The following RAD51B variants were observed in gnomAD, a reference collection of about 807,000 sequenced individuals.
RAD51B encodes the protein RAD51 paralog B, also known as DNA repair protein RAD51 homolog 2.
Under a neutral mutation model 42.2 loss-of-function variants are expected in RAD51B, and 38 were observed. The ratio of observed to expected loss-of-function variants is 0.90; its 90% CI spans 0.70 to 1.18. The LOEUF (loss-of-function observed/expected upper bound fraction) is 1.18. Ranked by LOEUF, RAD51B falls within the 50% of genes most tolerant of loss-of-function variation. The probability of loss-of-function intolerance (pLI) is 0.00; values close to 1 mark genes in which losing one functional copy is unlikely to be tolerated. For missense variants in RAD51B, 373 were observed against 400.7 expected (o/e 0.93, Z 0.59); for synonymous variants, 154 against 145.2 (o/e 1.06, Z -0.43).
At chr14:67,879,173 A>C (rs1424009407) in intron 5 of RAD51B, among the ~76,000 whole-genome samples, 1 of 152,254 alleles carries the variant, frequency 6.6e-6, no homozygotes, top group Non-Finnish European at 1.5e-5. Context: ...TAGAACTCTC[A>C]GGCAAGGGCC....
intron 7 of RAD51B, among the ~76,000 whole-genome samples, chr14:68,072,064 TA>T (rs1250586109): frequency 1.1e-5 from 1 of 93,912 alleles, no homozygotes; most frequent in East Asian, 2.4e-4. Context: ...TATATATATT[TA>T]TATAAATATA....
intron 9 of RAD51B, among the ~76,000 whole-genome samples, chr14:68,416,315 C>T (rs959389667): frequency 3.9e-5 from 6 of 152,172 alleles, no homozygotes; most frequent in Admixed American, 2.6e-4. Flanking sequence ...AGCTGTGATC[C>T]GTCCCTCTTC....
chr14:68,170,411 G>A (rs775408277), intron 7 of RAD51B, among the ~76,000 whole-genome samples: 1 of 152,072 alleles, frequency 6.6e-6, no homozygotes, highest in Non-Finnish European at 1.5e-5. Context: ...ATTGGGCAGG[G>A]GAAGTACTGG....
At chr14:68,605,675 C>T (rs1891417403) in intron 10 of RAD51B, among the ~76,000 whole-genome samples, 1 of 152,216 alleles carries the variant, frequency 6.6e-6, no homozygotes, top group South Asian at 2.1e-4. Context: ...CTACCCCACT[C>T]CTGTGTCTTA....
chr14:68,305,015 G>A (rs1262442988), intron 8 of RAD51B, among the ~76,000 whole-genome samples: 1 of 152,096 alleles, frequency 6.6e-6, no homozygotes, highest in Non-Finnish European at 1.5e-5. Flanking sequence ...GAAAATTGCT[G>A]CCAAAAACTA....
intron 7 of RAD51B, among the ~76,000 whole-genome samples, chr14:68,137,731 G>A (rs1274948443): frequency 1.3e-5 from 2 of 152,180 alleles, no homozygotes; most frequent in Non-Finnish European, 2.9e-5. Context: ...AGGGTTTTCT[G>A]AGAAGGTGAA....
intron 8 of RAD51B, among the ~76,000 whole-genome samples, chr14:68,303,944 C>T (rs2081803038): frequency 6.6e-6 from 1 of 152,072 alleles, no homozygotes; most frequent in Admixed American, 6.6e-5. Flanking sequence ...CTGAGGTGGG[C>T]AGATCACTTG....
intron 10 of RAD51B, among the ~76,000 whole-genome samples, chr14:68,557,290 C>T (rs1888902776): frequency 6.6e-6 from 1 of 152,134 alleles, no homozygotes; most frequent in African/African-American, 2.4e-5. Context: ...GTAGCTTAGC[C>T]TCGCCTACCG....
chr14:67,952,892 TG>T (rs2074481199), intron 7 of RAD51B, among the ~76,000 whole-genome samples: 1 of 152,062 alleles, frequency 6.6e-6, no homozygotes, highest in Admixed American at 6.6e-5. Context: ...TTAGTTTTTT[TG>T]TTTTTTTTTT....
chr14:68,597,099 G>T (rs1377339230), downstream of RAD51B, among the ~76,000 whole-genome samples: 1 of 152,222 alleles, frequency 6.6e-6, no homozygotes, highest in Non-Finnish European at 1.5e-5. Flanking sequence ...AAATTAGCCA[G>T]CTACTGTCAT....
intron 7 of RAD51B, among the ~76,000 whole-genome samples, chr14:68,241,878 C>T (rs1202895915): frequency 2.0e-5 from 3 of 152,172 alleles, no homozygotes; most frequent in African/African-American, 7.2e-5. Context: ...CTTGGGCCTA[C>T]ACTCAGTTTC....
intron 7 of RAD51B, among the ~76,000 whole-genome samples, chr14:68,195,908 C>CA (rs1278908922): frequency 0.047 from 1,109 of 23,582 alleles, 26 homozygotes; most frequent in African/African-American, 0.061. Context: ...AGCTCTGTTT[C>CA]AAAAAAAAAA....
intron 7 of RAD51B, among the ~76,000 whole-genome samples, chr14:68,151,350 C>T (rs774671478): frequency 7.3e-5 from 11 of 151,498 alleles, no homozygotes; most frequent in Admixed American, 2.6e-4. Context: ...CTTTTCTCTT[C>T]GATTTTGAGA....
At chr14:68,124,294 C>T (rs941770104) in intron 7 of RAD51B, among the ~76,000 whole-genome samples, 4 of 152,066 alleles carry the variant, frequency 2.6e-5, no homozygotes, top group African/African-American at 7.2e-5. Context: ...CAGTTTCATC[C>T]AATTTTACTG....
intron 10 of RAD51B, among the ~76,000 whole-genome samples, chr14:68,602,520 AGC>A (rs879443297): frequency 0.23 from 32,692 of 143,234 alleles, 3,750 homozygotes; most frequent in East Asian, 0.41. Context: ...ATAGATAGCT[AGC>A]TAGATAGATA....
chr14:68,356,845 C>T (rs921056696), intron 8 of RAD51B, among the ~76,000 whole-genome samples: 5 of 151,874 alleles, frequency 3.3e-5, no homozygotes, highest in East Asian at 3.9e-4. Context: ...TAGCCGGGCG[C>T]GGTGGCGGGC....
At chr14:68,584,966 A>C (rs972678798) in intron 10 of RAD51B, among the ~76,000 whole-genome samples, 14 of 152,210 alleles carry the variant, frequency 9.2e-5, no homozygotes, top group African/African-American at 3.4e-4. Flanking sequence ...TTACACTCAA[A>C]TTACACTCAA....
At chr14:68,031,317 C>G (rs772376394) in intron 7 of RAD51B, among the ~76,000 whole-genome samples, 1 of 152,150 alleles carries the variant, frequency 6.6e-6, no homozygotes, top group Non-Finnish European at 1.5e-5. Context: ...AGAAACCACC[C>G]TCATGATTCA....
chr14:67,927,797 T>A lies in RAD51B; in HGVS notation c.756+40593T>A, dbSNP rs1566962777. On this transcript the variant is annotated intron_variant, in intron 7 of 10. Transcript: ENST00000471583. ...TATACACATATATAATGTGTGTGTC[T>A]TTTATGGTTCCATACAAATTTTAGG... 1.5e-3 allele frequency among the ~76,000 whole-genome samples: 220 copies of A among 151,526 alleles called. 2 individuals are homozygous for A. The highest frequency in any genetic ancestry group is 5.3e-3 in the African/African-American group (215 of 40,936).
Sources: gnomAD v4.1 joint callset for allele counts (sites outside exome capture counted in the v4.1 genomes callset) on GRCh38, gnomAD v4.1.1 for gene constraint, MANE v1.5 for transcripts, NCBI Gene and HGNC (gene_info 2026-07-23, HGNC 2026-07-21) for gene names.